Variants in CBR4 observed in about 807,000 individuals in gnomAD.
CBR4 encodes carbonyl reductase 4, also known as 3-oxoacyl-[acyl-carrier-protein] reductase.
Under a neutral mutation model 21.0 loss-of-function variants are expected in CBR4, and 22 were observed. The observed-to-expected ratio is 1.05, with a 90% CI of 0.75 to 1.50. The LOEUF (loss-of-function observed/expected upper bound fraction) is 1.50. Ranked by LOEUF, CBR4 falls within the 40% of genes most tolerant of loss-of-function variation. CBR4 has a pLI of 0.00. For missense variants in CBR4, 302 were observed against 286.3 expected, an observed-to-expected ratio of 1.05 and a Z score of -0.40; for synonymous variants, 100 against 104.4, an observed-to-expected ratio of 0.96 and a Z score of 0.26.
At chr4:168,894,699 C>T (rs1560872810) in exon 3 of CBR4, 2 of 1,609,006 alleles carry the variant, frequency 1.2e-6, no homozygotes, top group Non-Finnish European at 8.5e-7. Flanking sequence ...CTCTGGACTT[C>T]TTAGGGTAAC....
At chr4:168,924,890 T>G in intron 2 of CBR4, 1 of 1,597,346 alleles carries the variant, frequency 6.3e-7, no homozygotes, top group Non-Finnish European at 8.6e-7. Context: ...ATGCTTCATG[T>G]CCAAAGCCAC....
At chr4:168,944,385 G>A (rs1763346359) in intron 2 of CBR4, among the ~76,000 whole-genome samples, 1 of 152,038 alleles carries the variant, frequency 6.6e-6, no homozygotes, top group South Asian at 2.1e-4. Flanking sequence ...GGCTATGGCA[G>A]AAGGATTGCT....
chr4:168,970,807 C>T (rs548750804), intron 2 of CBR4, among the ~76,000 whole-genome samples: 34 of 150,436 alleles, frequency 2.3e-4, no homozygotes, highest in African/African-American at 7.8e-4. Flanking sequence ...TATTTCATTC[C>T]TTTTTATGGC....
At chr4:168,918,158 G>T (rs1350411285) in intron 2 of CBR4, among the ~76,000 whole-genome samples, 1 of 150,976 alleles carries the variant, frequency 6.6e-6, no homozygotes, top group Non-Finnish European at 1.5e-5. Context: ...ATTCCAACCT[G>T]GGCAACAGAA....
chr4:168,906,930 T>C (rs1214648649), intron 2 of CBR4, among the ~76,000 whole-genome samples: 2 of 152,140 alleles, frequency 1.3e-5, no homozygotes, highest in Admixed American at 6.5e-5. Context: ...ACCAAGATTG[T>C]AGGGCAACAC....
rs568675417 is a variant in CBR4 at position 169,000,387 on chromosome 4, AAAAAG to A, written c.535+1679_535+1683del. On this transcript the variant is annotated intron_variant, in intron 4 of 4. Coordinates refer to ENST00000306193, the MANE Select transcript of CBR4 (RefSeq NM_032783.5). ...GTAGCTAGTTGCTATGAGAAAAAAA[AAAAAG>A]AAAAGAAAAGAATTGAAATAAAGAC... 3.4e-3 allele frequency among the ~76,000 whole-genome samples: 507 copies of A among 150,934 alleles called. 2 individuals carry two copies. Among genetic ancestry groups the A allele is most frequent in the African/African-American group, 7.4e-3 (299 of 40,280 alleles).
In CBR4 at chr4:168,956,980, T is replaced by C; in HGVS notation, n.169+45091A>G. Among the ~76,000 whole-genome samples, 2 of 152,170 alleles carry C rather than the reference T, an allele frequency of 1.3e-5. 1 individual carries two copies. Among genetic ancestry groups the C allele is most frequent in the Non-Finnish European group, 2.9e-5 (2 of 68,026 alleles). ...TATAAGACATCACTCAAAATTCCAG[T>C]AAAGATATACATGAACAAGATTCCT... On this transcript the variant is annotated intron_variant and non_coding_transcript_variant, in intron 2 of 3. Transcript: ENST00000509108.
At chr4:169,004,132 G>A (rs1389742306) in intron 3 of CBR4, among the ~76,000 whole-genome samples, 1 of 152,020 alleles carries the variant, frequency 6.6e-6, no homozygotes, top group Non-Finnish European at 1.5e-5. Context: ...TAAAGAAATT[G>A]CCACAGCCAC....
Position 168,900,643 on chromosome 4 carries a change from C to T in CBR4, n.170-5878G>A, listed in dbSNP as rs184529993. On this transcript the variant is annotated intron_variant and non_coding_transcript_variant, in intron 2 of 3. Coordinates refer to the CBR4 transcript ENST00000509108. Reference sequence around the variant, plus strand: ...TCATGTTCTTTTCTTAAAACTGAATCGCAACGCCAAAGTCAAAGATCAAAG... The same window carrying T: ...TCATGTTCTTTTCTTAAAACTGAATTGCAACGCCAAAGTCAAAGATCAAAG... Among the ~76,000 whole-genome samples, 66 of 152,200 alleles carry T rather than the reference C, an allele frequency of 4.3e-4. 1 individual carries two copies. Among genetic ancestry groups the T allele is most frequent in the African/African-American group, 1.5e-3 (64 of 41,532 alleles).
intron 2 of CBR4, among the ~76,000 whole-genome samples, chr4:168,979,944 A>G (rs1388798929): frequency 6.6e-6 from 1 of 152,100 alleles, no homozygotes; most frequent in Non-Finnish European, 1.5e-5. Context: ...TGAAGAGGCT[A>G]GTCTGTCTTC....
intron 2 of CBR4, among the ~76,000 whole-genome samples, chr4:168,921,165 GGAGGCT>G (rs1761408514): frequency 6.6e-6 from 1 of 151,948 alleles, no homozygotes; most frequent in South Asian, 2.1e-4. Context: ...CAGCACTTTG[GGAGGCT>G]GAGGCAGGCG....
intron 2 of CBR4, among the ~76,000 whole-genome samples, chr4:168,932,732 T>G (rs1031945183): frequency 6.6e-6 from 1 of 152,060 alleles, no homozygotes; most frequent in Non-Finnish European, 1.5e-5. Flanking sequence ...CAACAGCAGA[T>G]AGCAGAAACC....
chr4:168,925,804 C>T (rs1002046175), intron 2 of CBR4, among the ~76,000 whole-genome samples: 10 of 152,118 alleles, frequency 6.6e-5, no homozygotes, highest in Admixed American at 1.3e-4. Flanking sequence ...CCCTACTGTA[C>T]GATTCCTTTC....
chr4:169,002,286 T>C (rs1056072094), intron 3 of CBR4, 81 bp from the exon 4 acceptor site: 1 of 1,284,066 alleles, frequency 7.8e-7, no homozygotes, highest in Non-Finnish European at 1.0e-6. Flanking sequence ...AGATAATTTA[T>C]AGTAAACAAA....
intron 2 of CBR4, among the ~76,000 whole-genome samples, chr4:168,966,356 CAAAAAAAAAAAA>C (rs1215042926): frequency 2.7e-5 from 2 of 75,182 alleles, no homozygotes; most frequent in East Asian, 8.9e-4. Context: ...ACTAAAAATA[CAAAAAAAAAAAA>C]AAAAAAAAAA....
At chr4:168,898,396 T>C (rs1264329581) in intron 2 of CBR4, 1 of 790,310 alleles carries the variant, frequency 1.3e-6, no homozygotes, top group East Asian at 2.6e-5. Context: ...ATGGTAAAAA[T>C]ATCACTGTCT....
intron 2 of CBR4, chr4:168,926,654 A>G: frequency 2.7e-6 from 1 of 374,612 alleles, no homozygotes; most frequent in Admixed American, 4.2e-5. Context: ...CAAAATGCCA[A>G]AATACTAAAG....
At chr4:168,935,096 G>A (rs1221256552) in intron 2 of CBR4, among the ~76,000 whole-genome samples, 2 of 152,326 alleles carry the variant, frequency 1.3e-5, no homozygotes, top group East Asian at 3.9e-4. Flanking sequence ...CATTGGGACT[G>A]GTTAGATAGT....
chr4:168,938,948 A>T (rs753832780), intron 2 of CBR4, among the ~76,000 whole-genome samples: 1 of 152,222 alleles, frequency 6.6e-6, no homozygotes, highest in Non-Finnish European at 1.5e-5. Flanking sequence ...TCATTTTATG[A>T]GGCCAGCATC....
Sources: gnomAD v4.1 joint callset for allele counts (sites outside exome capture counted in the v4.1 genomes callset) on GRCh38, gnomAD v4.1.1 for gene constraint, MANE v1.5 for transcripts, NCBI Gene and HGNC (gene_info 2026-07-23, HGNC 2026-07-21) for gene names.